SART3: variants seen among roughly 807,000 people sequenced by gnomAD.
SART3 encodes the protein spliceosome associated factor 3, U4/U6 recycling protein, also known as HIV-1 Tat-interacting protein of 110kDa.
Under a neutral mutation model 122.3 loss-of-function variants are expected in SART3, and 44 were observed. That is an observed-to-expected ratio of 0.36 (90% CI 0.28 to 0.46). The LOEUF (loss-of-function observed/expected upper bound fraction) is 0.46. Ranked by LOEUF, SART3 falls within the 20% of genes least tolerant of loss-of-function variation. The pLI, the probability that SART3 is intolerant of heterozygous loss-of-function variation, is 1.00. For synonymous variants in SART3, 442 were observed against 454.0 expected (o/e 0.97, Z 0.34); for missense variants, 1,101 against 1,229.0 (o/e 0.90, Z 1.56).
Position 108,543,095 on chromosome 12 carries a change from G to T in SART3, c.839C>A (p.Ser280Ter). The change falls in exon 6 of 19, where the codon TCA becomes TAA. Residue 280 changes from serine (S) to a stop codon, truncating the protein, a stop_gained. Transcript: ENST00000546815. LOFTEE classifies it high-confidence loss of function. Reference sequence around the variant, plus strand: ...TGCTTTGTTATAGTTCTGAATTACTGACTCTGGTATTGGGTCTTCTGACCA... The same window carrying T: ...TGCTTTGTTATAGTTCTGAATTACTTACTCTGGTATTGGGTCTTCTGACCA... The part of the protein sequence containing the change: ...EEWSEDPIPE[S>*]VIQNYNKALQ... 1 of 1,614,138 alleles carries T rather than the reference G, an allele frequency of 6.2e-7. No homozygotes were observed. The highest frequency in any genetic ancestry group is 1.1e-5 in the South Asian group (1 of 91,076).
chr12:108,542,529 A>G (rs1366978702), intron 6 of SART3, among the ~76,000 whole-genome samples: 3 of 135,252 alleles, frequency 2.2e-5, no homozygotes, highest in East Asian at 3.9e-4. Context: ...GGATAAATAC[A>G]TCGCAGTACA....
chr12:108,531,360 G>T, intron 13 of SART3, 80 bp from the exon 14 acceptor site: 1 of 1,062,852 alleles, frequency 9.4e-7, no homozygotes, highest in Non-Finnish European at 1.5e-6. Flanking sequence ...TAATTTCTCT[G>T]TACCTCCAGA....
chr12:108,549,227 G>C lies in SART3; in HGVS notation c.313-13C>G, dbSNP rs1399616832. The stretch of plus-strand genomic sequence containing the variant: ...CGTTGATAGACAACTAACAGGAAAA[G>C]AAACAAGTTGAAATTTAAAACACCG... On this transcript the variant is annotated splice_polypyrimidine_tract_variant and intron_variant, in intron 1 of 18. Transcript: ENST00000546815. 6.2e-7 allele frequency: 1 copy of C among 1,613,964 alleles called. No individual in the cohort carries two copies. The highest frequency in any genetic ancestry group is 2.2e-5 in the East Asian group (1 of 44,880).
At chr12:108,558,809 G>A (rs560143256) in intron 1 of SART3, among the ~76,000 whole-genome samples, 9 of 152,172 alleles carry the variant, frequency 5.9e-5, no homozygotes, top group Admixed American at 2.0e-4. Context: ...CGAGGCGGGC[G>A]GATCACGAGG....
intron 14 of SART3, 135 bp downstream of exon 14, chr12:108,531,069 G>T: frequency 1.5e-6 from 1 of 687,080 alleles, no homozygotes; most frequent in Non-Finnish European, 2.6e-6. Flanking sequence ...TTTAAGCATT[G>T]ATCTAAATAT....
intron 12 of SART3, 152 bp downstream of exon 12, chr12:108,535,207 C>G (rs960628373): frequency 3.2e-5 from 23 of 707,794 alleles, no homozygotes; most frequent in Admixed American, 1.9e-4. Flanking sequence ...TAGCCCTGCC[C>G]ATTAAAAATG....
chr12:108,523,399 G>GT lies in SART3; in HGVS notation c.*57dup. ...TCCATCCCCAGTGCACTGCTGGGTG[G>GT]TGGGAGGTCCGCCGGGCCAGAGTGA... On this transcript the variant is annotated 3_prime_UTR_variant, in exon 19 of 19. Transcript: ENST00000546815. 6.4e-7 allele frequency: 1 copy of GT among 1,573,892 alleles called. No individual in the cohort carries two copies. Among genetic ancestry groups the GT allele is most frequent in the Non-Finnish European group, 8.7e-7 (1 of 1,145,200 alleles).
chr12:108,526,263 G>A lies in SART3; in HGVS notation c.2206C>T (p.Arg736Ter), dbSNP rs761434593. ...FEACGEVVQI[R>*]PIFSNRGDFR... ...TCCCCACGGTTGCTGAAGATGGGTC[G>A]GATCTGGACCACCTCCCCACAGGCC... Residue 736 changes from arginine (R) to a stop codon, truncating the protein, a stop_gained, in exon 16 of 19, where the codon CGA (arginine) becomes TGA (stop). Coordinates refer to ENST00000546815, the MANE Select transcript of SART3 (RefSeq NM_014706.4). LOFTEE classifies it high-confidence loss of function. The A allele has an allele frequency of 1.9e-6, 3 of 1,614,164 alleles. No homozygotes were observed. Among genetic ancestry groups the A allele is most frequent in the South Asian group, 1.1e-5 (1 of 91,076 alleles).
In SART3 at chr12:108,526,149, G is replaced by T. The variant is rs1461076370; in HGVS notation, c.2320C>A (p.Pro774Thr). Residue 774 changes from proline (P) to threonine (T), a missense_variant, in exon 16 of 19, where the codon CCA (proline) becomes ACA (threonine). Pro to Thr is a conservative substitution (Grantham distance 38). Around this residue, in one of 2 missense-constraint regions of SART3, gnomAD observed 885 missense variants for 1,080.1 expected, o/e 0.82. Coordinates refer to ENST00000546815, the MANE Select transcript of SART3 (RefSeq NM_014706.4). ...TCCACACAGGGGGAAACAAACATTG[G>T]CCTCCCTTCTACACTTTTCCGGTCC... ...EMDRKSVEGRPMFVSPCVDKS... is the reference protein window; with the variant it reads ...EMDRKSVEGRTMFVSPCVDKS... The T allele has an allele frequency of 4.3e-6, 7 of 1,614,044 alleles. No homozygotes were observed. The highest frequency in any genetic ancestry group is 5.1e-6 in the Non-Finnish European group (6 of 1,180,044).
rs963327805 is a variant in SART3, at chr12:108,555,199, G to T, written c.312+5644C>A. 2.0e-5 allele frequency among the ~76,000 whole-genome samples: 3 copies of T among 152,054 alleles called. No homozygotes were observed. The South Asian group carries it at 6.2e-4, about 31-fold the overall frequency. On this transcript the variant is annotated intron_variant, in intron 1 of 18. Coordinates refer to ENST00000546815, the MANE Select transcript of SART3 (RefSeq NM_014706.4). ...TTAAGAATAAGATAGCAAAGTTTACGTTATATGTTTTTTACAATAAAAAAA... is the reference window on the plus strand; with the variant it reads ...TTAAGAATAAGATAGCAAAGTTTACTTTATATGTTTTTTACAATAAAAAAA...
chr12:108,541,826 C>A (rs1873177724), intron 6 of SART3, among the ~76,000 whole-genome samples: 1 of 152,064 alleles, frequency 6.6e-6, no homozygotes, highest in Admixed American at 6.5e-5. Flanking sequence ...GCATGAGCCA[C>A]CCCGCCCGGC....
chr12:108,537,430 C>G, intron 9 of SART3, 58 bp downstream of exon 9: 1 of 1,381,134 alleles, frequency 7.2e-7, no homozygotes, highest in Non-Finnish European at 1.0e-6. Flanking sequence ...GGACATCTCG[C>G]CAAAAGTTGT....
Position 108,539,235 on chromosome 12 carries a change from C to T in SART3, c.907-146G>A, listed in dbSNP as rs1261564983. The T allele has an allele frequency of 3.7e-6, 3 of 800,422 alleles. No individual in the cohort carries two copies. In the African/African-American group the frequency reaches 5.1e-5, roughly 14 times the overall value. The allele number at this position is 800,422 out of a possible 1,614,324, so 49.6% of individuals were successfully genotyped here. A position where few individuals can be genotyped will look rare whatever the true frequency, so the allele number is the denominator to read the frequency against. The stretch of plus-strand genomic sequence containing the variant: ...CAGAACCACTCCACTATGGCCTCTA[C>T]AACTTCTTGAGCAAAACAAGAGTCT... On this transcript the variant is annotated intron_variant, in intron 6 of 18. Coordinates refer to ENST00000546815, the MANE Select transcript of SART3 (RefSeq NM_014706.4).
Position 108,530,304 on chromosome 12 carries a change from C to T in SART3, c.1753G>A (p.Glu585Lys), listed in dbSNP as rs1483094296. 1 of 1,613,956 alleles carries T rather than the reference C, an allele frequency of 6.2e-7. No homozygotes were observed. Among genetic ancestry groups the T allele is most frequent in the African/African-American group, 1.3e-5 (1 of 74,924 alleles). Residue 585 changes from glutamate (E) to lysine (K), a missense_variant, in exon 15 of 19, where the codon GAG becomes AAG. Physicochemically the swap from Glu to Lys is moderately conservative, Grantham distance 56. Around this residue, in one of 2 missense-constraint regions of SART3, gnomAD observed 885 missense variants for 1,080.1 expected, o/e 0.82. Transcript: ENST00000546815. ...TGCTGCACAAGGGCTGCTTCCTTCT[C>T]TGCAGCCTAGAAAAGTGGGAAGATG... ...RVNEQRMKAA[E>K]KEAALVQQEE... is the part of the protein sequence containing the mutation.
rs1872214933 is a variant in SART3, at chr12:108,523,378, T to A, written c.*79A>T. 1 of 1,450,146 alleles carries A rather than the reference T, an allele frequency of 6.9e-7. No homozygotes were observed. The highest frequency in any genetic ancestry group is 1.4e-5 in the African/African-American group (1 of 71,542). 89.8% of individuals were successfully genotyped at this position (1,450,146 alleles called of 1,614,324 possible). ...GCACGCAGCACACCAGGCCTGTCCA[T>A]CCCCAGTGCACTGCTGGGTGGTGGG... On this transcript the variant is annotated 3_prime_UTR_variant, in exon 19 of 19. Transcript: ENST00000546815.
chr12:108,527,363 C>T (rs1274328106), intron 15 of SART3, among the ~76,000 whole-genome samples: 1 of 152,202 alleles, frequency 6.6e-6, no homozygotes, highest in African/African-American at 2.4e-5. Context: ...AACATTGGCT[C>T]CTCCCTGTGT....
At position 108,536,235 on chromosome 12, in the gene SART3, C is replaced by T. The variant is rs1000496169; in HGVS notation, c.1446+279G>A. ...TGCTCTCACAAATGAAGCAAAGAGG[C>T]AGAGACAGAAGTAAACGAGTGAATA... On this transcript the variant is annotated intron_variant, in intron 11 of 18. Transcript: ENST00000546815. 2.0e-5 allele frequency among the ~76,000 whole-genome samples: 3 copies of T among 152,224 alleles called. No homozygotes were observed. The South Asian group carries it at 6.2e-4, about 32-fold the overall frequency.
chr12:108,553,912 T>G (rs2030111084), intron 1 of SART3, among the ~76,000 whole-genome samples: 2 of 152,326 alleles, frequency 1.3e-5, no homozygotes, highest in Non-Finnish European at 2.9e-5. Context: ...CTGCCTCATG[T>G]GCAATCCCAG....
intron 13 of SART3, chr12:108,531,521 G>A: frequency 2.2e-6 from 1 of 455,696 alleles, no homozygotes; most frequent in Non-Finnish European, 4.0e-6. Flanking sequence ...GGCTCTAAAT[G>A]GCAAAGAATA....
Sources: allele counts gnomAD v4.1 joint callset (sites outside exome capture counted in the v4.1 genomes callset), GRCh38; gene constraint gnomAD v4.1.1; regional missense constraint gnomAD v4.1.1; transcripts MANE v1.5; gene names NCBI Gene and HGNC (gene_info 2026-07-23, HGNC 2026-07-21).